PCDHA8: variants seen among roughly 807,000 people sequenced by gnomAD.
The protein encoded by PCDHA8 is protocadherin alpha-8.
A neutral mutation model predicts 61.8 loss-of-function variants in PCDHA8; 53 were observed. The observed-to-expected ratio is 0.86, with a 90% confidence interval of 0.69 to 1.08. PCDHA8 has a LOEUF of 1.08. Ranked by LOEUF, PCDHA8 falls within the 50% of genes least tolerant of loss-of-function variation. The probability of loss-of-function intolerance (pLI) is 0.00; values close to 1 mark genes in which losing one functional copy is unlikely to be tolerated. For synonymous variants in PCDHA8, 618 were observed against 556.6 expected (o/e 1.11, Z -1.55); for missense variants, 1,293 against 1,245.0 (o/e 1.04, Z -0.58).
intron 1 of PCDHA8, chr5:140,868,478 AT>A (rs1444050987): frequency 1.3e-5 from 2 of 152,364 alleles, no homozygotes; most frequent in Non-Finnish European, 2.9e-5. Flanking sequence ...TAAAACTTCA[AT>A]TTTTTCTTTG....
intron 1 of PCDHA8, among the ~76,000 whole-genome samples, chr5:140,886,245 A>G (rs1241977297): frequency 6.6e-6 from 1 of 152,046 alleles, no homozygotes; most frequent in Non-Finnish European, 1.5e-5. Context: ...GAAATAAATA[A>G]AAGTATCTCT....
chr5:141,011,122 A>G lies in PCDHA8; in HGVS notation c.*1185A>G, dbSNP rs1554263297. On this transcript the variant is annotated 3_prime_UTR_variant, in exon 4 of 4. Transcript: ENST00000531613. ...TCTCTCTCTTTTCTAAGAAACAATT[A>G]TGTGCACTTTGATACACAACCTTCT... 1 of 153,686 alleles carries G rather than the reference A, an allele frequency of 6.5e-6. No homozygotes were observed. Among genetic ancestry groups the G allele is most frequent in the Non-Finnish European group, 1.5e-5 (1 of 68,034 alleles). 9.5% of individuals were successfully genotyped at this position (153,686 alleles called of 1,614,324 possible).
chr5:140,870,207 T>G, intron 1 of PCDHA8: 1 of 1,614,156 alleles, frequency 6.2e-7, no homozygotes, highest in Non-Finnish European at 8.5e-7. Flanking sequence ...GCACGGTCAT[T>G]GCCCTGATCA....
At chr5:140,982,186 C>G (rs547938149) in intron 2 of PCDHA8, among the ~76,000 whole-genome samples, 34 of 152,372 alleles carry the variant, frequency 2.2e-4, no homozygotes, top group African/African-American at 7.7e-4. Context: ...CTCTGATGGG[C>G]TTCCTGTTAG....
chr5:140,870,319 T>C (rs782623881), intron 1 of PCDHA8: 3 of 1,614,162 alleles, frequency 1.9e-6, no homozygotes, highest in Non-Finnish European at 2.5e-6. Context: ...TTACTACTCG[T>C]TGGTGCTGGA....
chr5:140,955,701 A>G (rs1381358710), intron 1 of PCDHA8, among the ~76,000 whole-genome samples: 1 of 152,150 alleles, frequency 6.6e-6, no homozygotes, highest in Non-Finnish European at 1.5e-5. Context: ...ATGTCAATGG[A>G]AGTTTAATAG....
At chr5:140,967,422 A>C in intron 1 of PCDHA8, 6 of 1,613,338 alleles carry the variant, frequency 3.7e-6, no homozygotes, top group East Asian at 2.2e-5. Flanking sequence ...GACCGGGAGC[A>C]GGCAGCCTTG....
rs782160195 is a variant in PCDHA8, at chr5:140,857,078, G to C, written c.2394+13363G>C. 17 of 1,597,076 alleles carry C rather than the reference G, an allele frequency of 1.1e-5. 2 individuals are homozygous for C. The highest frequency in any genetic ancestry group is 1.5e-5 in the Non-Finnish European group (17 of 1,166,812). On this transcript the variant is annotated intron_variant, in intron 1 of 3. Transcript: ENST00000531613. ...CCTAGTGGAACTACTGGATGAAAATGATAATTCACCTGAGGTGATTGTCAC... is the reference window on the plus strand; with the variant it reads ...CCTAGTGGAACTACTGGATGAAAATCATAATTCACCTGAGGTGATTGTCAC...
rs782343997 is a variant in PCDHA8 at position 140,882,709 on chromosome 5, T to C, written c.2394+38994T>C. 6 of 1,614,022 alleles carry C rather than the reference T, an allele frequency of 3.7e-6. No homozygotes were observed. In the Admixed American group the frequency reaches 6.7e-5, roughly 18 times the overall value. ...GAATAATCATTGCAGAATCTAGACC[T>C]CCGGAAACTCGATTTCCACTAGATG... is the stretch of plus-strand genomic sequence containing the variant. On this transcript the variant is annotated intron_variant, in intron 1 of 3. Coordinates refer to ENST00000531613, the MANE Select transcript of PCDHA8 (RefSeq NM_018911.3).
At chr5:140,947,648 T>C (rs1476825159) in intron 1 of PCDHA8, among the ~76,000 whole-genome samples, 1 of 151,646 alleles carries the variant, frequency 6.6e-6, no homozygotes, top group Non-Finnish European at 1.5e-5. Context: ...TGAACATATA[T>C]ACCTCCATTT....
intron 3 of PCDHA8, among the ~76,000 whole-genome samples, chr5:140,990,902 C>G (rs2097421729): frequency 6.6e-6 from 1 of 152,112 alleles, no homozygotes; most frequent in African/African-American, 2.4e-5. Flanking sequence ...GTTGCTGGGT[C>G]AAGTTTTATA....
At chr5:140,872,589 C>T (rs1242242642) in intron 1 of PCDHA8, among the ~76,000 whole-genome samples, 1 of 151,922 alleles carries the variant, frequency 6.6e-6, no homozygotes, top group African/African-American at 2.4e-5. Flanking sequence ...ATCGTGAGAC[C>T]CCCATCTGAA....
In PCDHA8 at chr5:141,010,126, C is replaced by A; in HGVS notation, c.*189C>A. The A allele has an allele frequency of 6.2e-7, 1 of 1,602,364 alleles. No homozygotes were observed. The highest frequency in any genetic ancestry group is 1.1e-5 in the South Asian group (1 of 89,898). ...TTTTGTCGTAAAAGCTTTACTAAGT[C>A]TGGTGTTAACTCTTTCTCTCCACTC... On this transcript the variant is annotated 3_prime_UTR_variant, in exon 4 of 4. Coordinates refer to ENST00000531613, the MANE Select transcript of PCDHA8 (RefSeq NM_018911.3).
intron 1 of PCDHA8, among the ~76,000 whole-genome samples, chr5:140,890,175 A>G (rs1488442027): frequency 6.6e-6 from 1 of 152,158 alleles, no homozygotes; most frequent in Non-Finnish European, 1.5e-5. Context: ...GAAATAGGCA[A>G]ATGCTACAAA....
rs190430510 is a variant in PCDHA8, at chr5:140,858,745, C to G, written c.2394+15030C>G. ...TTCTGACGATTTACTTTCATAATCACTTTTCGTTACAAATATTTGTGAGAT... is the reference window on the plus strand; with the variant it reads ...TTCTGACGATTTACTTTCATAATCAGTTTTCGTTACAAATATTTGTGAGAT... On this transcript the variant is annotated intron_variant, in intron 1 of 3. Coordinates refer to ENST00000531613, the MANE Select transcript of PCDHA8 (RefSeq NM_018911.3). 215 of 461,666 alleles carry G rather than the reference C, an allele frequency of 4.7e-4. 2 individuals are homozygous for G. In the East Asian group the frequency reaches 5.3e-3, roughly 11 times the overall value. The allele number at this position is 461,666 out of a possible 1,614,324, so 28.6% of individuals were successfully genotyped here.
At chr5:140,888,958 A>G (rs1174377099) in intron 1 of PCDHA8, among the ~76,000 whole-genome samples, 1 of 152,010 alleles carries the variant, frequency 6.6e-6, no homozygotes, top group African/African-American at 2.4e-5. Flanking sequence ...TTTCTTTGGC[A>G]ATGTTAATGT....
intron 1 of PCDHA8, among the ~76,000 whole-genome samples, chr5:140,957,202 A>G (rs75358038): frequency 1.8e-4 from 28 of 152,316 alleles, no homozygotes; most frequent in Non-Finnish European, 2.9e-4. Flanking sequence ...TGGGAATATA[A>G]ATAGGCACAA....
At chr5:140,879,757 C>T (rs1312451493) in intron 1 of PCDHA8, among the ~76,000 whole-genome samples, 1 of 152,212 alleles carries the variant, frequency 6.6e-6, no homozygotes, top group African/African-American at 2.4e-5. Context: ...GCTATACTCT[C>T]TTTGGAGGCC....
At chr5:140,927,899 A>G (rs1554205221) in intron 1 of PCDHA8, 2 of 1,614,194 alleles carry the variant, frequency 1.2e-6, no homozygotes, top group Admixed American at 1.7e-5. Context: ...GTGAACGATC[A>G]TGCCCCCGAA....
Sources: gnomAD v4.1 joint callset for allele counts (sites outside exome capture counted in the v4.1 genomes callset) on GRCh38, gnomAD v4.1.1 for gene constraint, MANE v1.5 for transcripts, NCBI Gene and HGNC (gene_info 2026-07-23, HGNC 2026-07-21) for gene names.